The following NBEA variants were observed in gnomAD, a reference collection of about 807,000 sequenced individuals.
NBEA encodes neurobeachin.
NBEA carries 44 observed loss-of-function variants against 343.4 expected under a neutral mutation model. The ratio of observed to expected loss-of-function variants is 0.13; its 90% CI spans 0.10 to 0.16. NBEA has a LOEUF of 0.16. NBEA is among the 10% of genes least tolerant of loss of function. The pLI, the probability that NBEA is intolerant of heterozygous loss-of-function variation, is 1.00. For synonymous variants in NBEA, 1,175 were observed against 1,238.7 expected (o/e 0.95, Z 1.08); for missense variants, 2,555 against 3,631.3 (o/e 0.70, Z 7.62).
At chr13:35,659,122 A>G (rs1373855725) in intron 55 of NBEA, among the ~76,000 whole-genome samples, 8 of 152,202 alleles carry the variant, frequency 5.3e-5, no homozygotes, top group African/African-American at 1.9e-4. Flanking sequence ...TTATGTCTAA[A>G]TTTGTATTAA....
intron 34 of NBEA, among the ~76,000 whole-genome samples, chr13:35,290,173 A>G (rs1013447422): frequency 6.6e-6 from 1 of 151,818 alleles, no homozygotes; most frequent in Non-Finnish European, 1.5e-5. Context: ...CCCACAGCCA[A>G]TATCATACTG....
At chr13:35,145,517 G>A (rs141288966) in intron 18 of NBEA, among the ~76,000 whole-genome samples, 9 of 152,150 alleles carry the variant, frequency 5.9e-5, no homozygotes, top group Admixed American at 1.3e-4. Context: ...ACATATTGGC[G>A]TGTGGCTTCC....
chr13:35,539,187 G>A (rs972738728), intron 41 of NBEA, among the ~76,000 whole-genome samples: 1 of 152,148 alleles, frequency 6.6e-6, no homozygotes, highest in African/African-American at 2.4e-5. Flanking sequence ...GTTAGTGGGA[G>A]ACACCAAGAA....
At chr13:35,334,868 A>T (rs1458354742) in intron 36 of NBEA, among the ~76,000 whole-genome samples, 2 of 152,144 alleles carry the variant, frequency 1.3e-5, no homozygotes, top group Non-Finnish European at 2.9e-5. Context: ...ATGTGATCCC[A>T]TGTGTTCATG....
At chr13:35,362,977 G>T (rs994055193) in intron 38 of NBEA, among the ~76,000 whole-genome samples, 4 of 140,232 alleles carry the variant, frequency 2.9e-5, no homozygotes, top group Admixed American at 6.9e-5. Context: ...CAAATTCTGG[G>T]TTTAGAATAT....
At chr13:35,367,680 T>C (rs2041200276) in intron 38 of NBEA, among the ~76,000 whole-genome samples, 1 of 151,272 alleles carries the variant, frequency 6.6e-6, no homozygotes, top group Admixed American at 6.6e-5. Flanking sequence ...ATTACACAAA[T>C]AGAATTTTTA....
chr13:35,291,558 A>T (rs1053289776), intron 35 of NBEA, among the ~76,000 whole-genome samples: 3 of 151,878 alleles, frequency 2.0e-5, no homozygotes, highest in Non-Finnish European at 4.4e-5. Context: ...AAATTTTGTC[A>T]CCTACTGTTG....
At chr13:35,548,126 C>G (rs527442219) in intron 41 of NBEA, among the ~76,000 whole-genome samples, 21 of 152,208 alleles carry the variant, frequency 1.4e-4, no homozygotes, top group Non-Finnish European at 2.5e-4. Flanking sequence ...AGTGCCCTTT[C>G]CTGACAAAGT....
chr13:35,606,453 C>T lies in NBEA; in HGVS notation c.7324C>T (p.Pro2442Ser). 1 of 1,561,734 alleles carries T rather than the reference C, an allele frequency of 6.4e-7. No homozygotes were observed. The highest frequency in any genetic ancestry group is 8.7e-7 in the Non-Finnish European group (1 of 1,149,688). ...KELIPEFYYL[P>S]EMFVNSNGYN... The stretch of plus-strand genomic sequence containing the variant: ...ACTAATTCCAGAGTTCTACTACCTA[C>T]CAGAGATGTTTGTCAACAGTAATGG... The change falls in exon 48 of 59, where the codon CCA becomes TCA. Residue 2442 changes from proline to serine, a missense_variant. Pro to Ser is a moderately conservative substitution (Grantham distance 74, BLOSUM62 -1). Around this residue, in one of 21 missense-constraint regions of NBEA, gnomAD observed 156 missense variants for 185.8 expected, o/e 0.84. Coordinates refer to ENST00000379939, the MANE Select transcript of NBEA (RefSeq NM_001385012.1).
chr13:35,452,851 C>A (rs550878371), intron 40 of NBEA, among the ~76,000 whole-genome samples: 1 of 152,234 alleles, frequency 6.6e-6, no homozygotes, highest in Admixed American at 6.5e-5. Flanking sequence ...GGTTTTAAGC[C>A]ACTTTGAGAA....
intron 38 of NBEA, among the ~76,000 whole-genome samples, chr13:35,412,495 G>A (rs2043648513): frequency 6.6e-6 from 1 of 151,906 alleles, no homozygotes; most frequent in Non-Finnish European, 1.5e-5. Flanking sequence ...TTAACTATAA[G>A]TTTGTTTTTA....
chr13:35,200,272 T>G (rs868329629), intron 31 of NBEA, among the ~76,000 whole-genome samples: 2 of 152,084 alleles, frequency 1.3e-5, no homozygotes, highest in Middle Eastern at 3.4e-3. Flanking sequence ...AACTTTTACT[T>G]TGGAGTAATG....
At chr13:35,127,403 A>G (rs2067189594) in intron 17 of NBEA, among the ~76,000 whole-genome samples, 1 of 152,220 alleles carries the variant, frequency 6.6e-6, no homozygotes, top group Non-Finnish European at 1.5e-5. Flanking sequence ...ACCGCTGGTG[A>G]GCACTGAATA....
At chr13:35,024,679 C>G (rs2061958093) in intron 1 of NBEA, among the ~76,000 whole-genome samples, 1 of 151,816 alleles carries the variant, frequency 6.6e-6, no homozygotes. Flanking sequence ...AACTCTGTCT[C>G]AAAATAAATA....
At chr13:35,187,918 G>A (rs2071841084) in intron 30 of NBEA, among the ~76,000 whole-genome samples, 1 of 151,638 alleles carries the variant, frequency 6.6e-6, no homozygotes, top group Non-Finnish European at 1.5e-5. Flanking sequence ...TTTGTATTTT[G>A]TTCCTGGCTT....
intron 1 of NBEA, among the ~76,000 whole-genome samples, chr13:34,987,742 T>A (rs139181468): frequency 0.019 from 2,821 of 151,250 alleles, 178 homozygotes; most frequent in Middle Eastern, 0.031. Context: ...TTTCATTAAT[T>A]TGATCTTCAA....
chr13:35,173,506 G>C lies in NBEA; in HGVS notation c.4466G>C (p.Arg1489Thr). The change falls in exon 27 of 59, where the codon AGA (arginine) becomes ACA (threonine). Residue 1489 changes from arginine to threonine, a missense_variant. Physicochemically the swap from Arg to Thr is moderately conservative, Grantham distance 71. Transcript: ENST00000379939. ...AGAAACTGTTTAGAATGTCGGCAAA[G>C]ACAGAGAGACAGGGGAAATAAATCT... The part of the protein sequence containing the change: ...AVRNCLECRQ[R>T]QRDRGNKSSH... 1.2e-6 allele frequency: 2 copies of C among 1,610,266 alleles called. No individual in the cohort carries two copies.
intron 28 of NBEA, among the ~76,000 whole-genome samples, chr13:35,179,261 GTA>G (rs1482456910): frequency 2.6e-5 from 4 of 151,474 alleles, no homozygotes; most frequent in Non-Finnish European, 5.9e-5. Context: ...AGGATAATAT[GTA>G]TTTAGTGCTT....
At chr13:35,408,090 A>C (rs1331087588) in intron 38 of NBEA, among the ~76,000 whole-genome samples, 1 of 152,184 alleles carries the variant, frequency 6.6e-6, no homozygotes, top group East Asian at 1.9e-4. Flanking sequence ...TGGAGGCATC[A>C]CACTGTCCAA....
Sources: allele counts gnomAD v4.1 joint callset (sites outside exome capture counted in the v4.1 genomes callset), GRCh38; gene constraint gnomAD v4.1.1; regional missense constraint gnomAD v4.1.1; transcripts MANE v1.5; gene names NCBI Gene and HGNC (gene_info 2026-07-23, HGNC 2026-07-21).